GTF2IRD1: variants seen among roughly 807,000 people sequenced by gnomAD.
GTF2IRD1 encodes GTF2I repeat domain containing 1, also known as general transcription factor II-I repeat domain-containing protein 1.
A neutral mutation model predicts 113.2 loss-of-function variants in GTF2IRD1; 26 were observed. The observed-to-expected ratio is 0.23, with a 90% CI of 0.17 to 0.32. GTF2IRD1 has a LOEUF of 0.32. GTF2IRD1 is among the 10% of genes least tolerant of loss of function. The pLI is 1.00. For missense variants in GTF2IRD1, 864 were observed against 1,280.8 expected (o/e 0.67, Z 4.97); for synonymous variants, 484 against 529.1 (o/e 0.91, Z 1.17).
intron 12 of GTF2IRD1, among the ~76,000 whole-genome samples, chr7:74,538,427 G>A (rs1246180999): frequency 6.6e-6 from 1 of 152,224 alleles, no homozygotes; most frequent in African/African-American, 2.4e-5. Flanking sequence ...GACCCAGGCT[G>A]CAGGTTCTTG....
At chr7:74,536,409 G>C in intron 11 of GTF2IRD1, 134 bp downstream of exon 11, 6 of 594,246 alleles carry the variant, frequency 1.0e-5, no homozygotes, top group Non-Finnish European at 1.8e-5. Flanking sequence ...GGAGGGCAAG[G>C]GAAAACAGAC....
Position 74,519,566 on chromosome 7 carries a change from A to T in GTF2IRD1, c.763A>T (p.Ser255Cys). Residue 255 changes from serine (S) to cysteine (C), a missense_variant, in exon 6 of 27, where the codon AGC (serine) becomes TGC (cysteine). Around this residue, in one of 7 missense-constraint regions of GTF2IRD1, gnomAD observed 195 missense variants for 196.6 expected, o/e 0.99. Transcript: ENST00000424337. The stretch of plus-strand genomic sequence containing the variant: ...AACCGCCACCTCCTCCTCCATGGCC[A>T]GCTTCCTGTACAGCACGGCGCTCCC... ...PPTATSSSMA[S>C]FLYSTALPNH... 1 of 1,612,016 alleles carries T rather than the reference A, an allele frequency of 6.2e-7. No individual in the cohort carries two copies. Among genetic ancestry groups the T allele is most frequent in the Non-Finnish European group, 8.5e-7 (1 of 1,179,454 alleles).
chr7:74,516,801 C>T (rs1410362457), intron 4 of GTF2IRD1, among the ~76,000 whole-genome samples: 1 of 152,130 alleles, frequency 6.6e-6, no homozygotes, highest in African/African-American at 2.4e-5. Flanking sequence ...CCCCCCTTGT[C>T]CACTTTGGGC....
intron 22 of GTF2IRD1, among the ~76,000 whole-genome samples, chr7:74,589,390 A>G (rs1801917751): frequency 1.3e-5 from 2 of 151,836 alleles, no homozygotes; most frequent in South Asian, 4.2e-4. Flanking sequence ...GGGACAGACC[A>G]ATAACTGATG....
intron 22 of GTF2IRD1, among the ~76,000 whole-genome samples, chr7:74,566,954 C>T (rs1215742003): frequency 6.6e-6 from 1 of 152,174 alleles, no homozygotes; most frequent in Non-Finnish European, 1.5e-5. Flanking sequence ...CTCCTGGCTA[C>T]CAGCAGCTAT....
intron 17 of GTF2IRD1, among the ~76,000 whole-genome samples, chr7:74,549,070 A>C (rs1345363105): frequency 2.6e-5 from 4 of 151,746 alleles, no homozygotes; most frequent in Non-Finnish European, 5.9e-5. Flanking sequence ...TAGGCAGATC[A>C]CTTGAGGTCA....
At chr7:74,553,555 CT>C (rs1554355723) in intron 17 of GTF2IRD1, among the ~76,000 whole-genome samples, 1 of 152,112 alleles carries the variant, frequency 6.6e-6, no homozygotes, top group Non-Finnish European at 1.5e-5. Flanking sequence ...TCCCAAAGTG[CT>C]GGGATTACAG....
chr7:74,547,040 A>C, intron 16 of GTF2IRD1, 63 bp from the exon 17 acceptor site: 1 of 1,466,514 alleles, frequency 6.8e-7, no homozygotes, highest in South Asian at 1.2e-5. Flanking sequence ...GGCACGGGAC[A>C]CAGGGGTTGA....
intron 17 of GTF2IRD1, among the ~76,000 whole-genome samples, chr7:74,550,150 C>T (rs1438636917): frequency 6.6e-6 from 1 of 151,742 alleles, no homozygotes; most frequent in Non-Finnish European, 1.5e-5. Flanking sequence ...GAGCCGAGAT[C>T]GCACTCCTGC....
At chr7:74,590,524 G>T (rs1426394626) in intron 23 of GTF2IRD1, among the ~76,000 whole-genome samples, 6 of 152,020 alleles carry the variant, frequency 3.9e-5, no homozygotes, top group African/African-American at 1.4e-4. Flanking sequence ...GAGTAGCTGG[G>T]ACTACAGGTG....
intron 13 of GTF2IRD1, 39 bp downstream of exon 13, chr7:74,538,799 G>A (rs1798458783): frequency 9.0e-7 from 1 of 1,111,052 alleles, no homozygotes; most frequent in South Asian, 1.2e-5. Flanking sequence ...GCAGAAATCA[G>A]GGCCGGACCG....
At chr7:74,467,458 G>A (rs1481240058) in intron 1 of GTF2IRD1, among the ~76,000 whole-genome samples, 1 of 152,172 alleles carries the variant, frequency 6.6e-6, no homozygotes, top group Non-Finnish European at 1.5e-5. Flanking sequence ...CACAAGTGTG[G>A]AGTGCCAGAA....
rs1554344354 is a variant in GTF2IRD1, at chr7:74,515,387, G to C, written c.266-54G>C. The C allele has an allele frequency of 1.9e-6, 3 of 1,548,352 alleles. No individual in the cohort carries two copies. The Admixed American group carries it at 5.9e-5, about 30-fold the overall frequency. On this transcript the variant is annotated intron_variant, in intron 3 of 26. Coordinates refer to ENST00000424337, the MANE Select transcript of GTF2IRD1 (RefSeq NM_005685.4). The stretch of plus-strand genomic sequence containing the variant: ...AGGGCAGCGACATCCCAGCTCGAAG[G>C]CCGGGTGGTGAGACGGGTGCTCACT...
intron 16 of GTF2IRD1, 66 bp from the exon 17 acceptor site, chr7:74,547,037 G>T: frequency 6.9e-7 from 1 of 1,456,334 alleles, no homozygotes; most frequent in African/African-American, 1.4e-5. Context: ...ACAGGCACGG[G>T]ACACAGGGGT....
In GTF2IRD1 at chr7:74,519,731, G is replaced by A; in HGVS notation, c.916+12G>A. 1 of 1,539,538 alleles carries A rather than the reference G, an allele frequency of 6.5e-7. No homozygotes were observed. The highest frequency in any genetic ancestry group is 1.2e-5 in the South Asian group (1 of 80,966). ...CTCCGACTGTTGTGGTAACATTGCT[G>A]CTGGGATCTCCAAGTCTAGGGGGTG... On this transcript the variant is annotated intron_variant, in intron 6 of 26. Coordinates refer to ENST00000424337, the MANE Select transcript of GTF2IRD1 (RefSeq NM_005685.4).
At chr7:74,545,961 AC>A in intron 16 of GTF2IRD1, 152 bp downstream of exon 16, 1 of 674,774 alleles carries the variant, frequency 1.5e-6, no homozygotes, top group South Asian at 1.7e-5. Context: ...AGGAGCTGGG[AC>A]CCATCATGAG....
chr7:74,572,732 A>G (rs147355226), intron 22 of GTF2IRD1, among the ~76,000 whole-genome samples: 261 of 152,224 alleles, frequency 1.7e-3, no homozygotes, highest in African/African-American at 5.8e-3. Context: ...CTCAAAATAA[A>G]GCCACCCTTT....
In GTF2IRD1 at chr7:74,512,567, G is replaced by C. The variant is rs1270906487; in HGVS notation, c.124-263G>C. Among the ~76,000 whole-genome samples the C allele has an allele frequency of 2.6e-5, 4 of 152,182 alleles. No homozygotes were observed. The highest frequency in any genetic ancestry group is 9.7e-5 in the African/African-American group (4 of 41,448). The stretch of plus-strand genomic sequence containing the variant: ...GTCCCTGGGGCTGGGGCTAAGGGGG[G>C]CCTACCCCAAGGAGGAGGACCTTGG... On this transcript the variant is annotated intron_variant, in intron 2 of 26. Coordinates refer to ENST00000424337, the MANE Select transcript of GTF2IRD1 (RefSeq NM_005685.4). This position sits in a 1 kb window ranked among gnomAD's most constrained non-coding sequence, Gnocchi z 4.4.
chr7:74,580,487 C>T (rs1394349553), intron 22 of GTF2IRD1, among the ~76,000 whole-genome samples: 3 of 152,152 alleles, frequency 2.0e-5, no homozygotes, highest in East Asian at 3.9e-4. Flanking sequence ...GAGAGAGAGC[C>T]GTGGAGCCAG....
Sources: gnomAD v4.1 joint callset for allele counts (sites outside exome capture counted in the v4.1 genomes callset) on GRCh38, gnomAD v4.1.1 for gene constraint, gnomAD v4.1.1 regional missense constraint, Gnocchi (gnomAD v3.1) non-coding constraint, MANE v1.5 for transcripts, NCBI Gene and HGNC (gene_info 2026-07-23, HGNC 2026-07-21) for gene names.